The following HSCB variants were observed in gnomAD, a reference collection of about 807,000 sequenced individuals.
The protein encoded by HSCB is iron-sulfur cluster co-chaperone protein HscB.
HSCB carries 23 observed loss-of-function variants against 31.3 expected under a neutral mutation model. That is an observed-to-expected ratio of 0.74 (90% CI 0.53 to 1.04). HSCB has a LOEUF of 1.04. HSCB is among the 50% of genes least tolerant of loss of function. HSCB has a pLI of 0.00. For missense variants in HSCB, 297 were observed against 288.1 expected (o/e 1.03, Z -0.22); for synonymous variants, 110 against 104.5 (o/e 1.05, Z -0.32).
chr22:28,756,068 G>A (rs941997110), intron 5 of HSCB, among the ~76,000 whole-genome samples: 3 of 151,740 alleles, frequency 2.0e-5, no homozygotes, highest in South Asian at 4.2e-4. Context: ...CCAACATGGT[G>A]AAACCCTGCC....
At chr22:28,744,588 T>C (rs368685229) in intron 2 of HSCB, 27 bp from the exon 3 acceptor site, 60 of 1,481,098 alleles carry the variant, frequency 4.1e-5, no homozygotes, top group Non-Finnish European at 5.3e-5. Flanking sequence ...TGGATGGTAA[T>C]AGTACTATCT....
chr22:28,745,602 A>G (rs1222183616), intron 3 of HSCB: 4 of 267,790 alleles, frequency 1.5e-5, no homozygotes, highest in Non-Finnish European at 2.8e-5. Context: ...TAGAATCTTT[A>G]CAAACATCTA....
chr22:28,744,601 A>G lies in HSCB; in HGVS notation c.334-14A>G, dbSNP rs746482794. The G allele has an allele frequency of 6.4e-7, 1 of 1,573,344 alleles. No homozygotes were observed. The highest frequency in any genetic ancestry group is 1.3e-5 in the African/African-American group (1 of 74,210). On this transcript the variant is annotated splice_polypyrimidine_tract_variant and intron_variant, in intron 2 of 5. Coordinates refer to ENST00000216027, the MANE Select transcript of HSCB (RefSeq NM_172002.5). ...TTTGGATGGTAATAGTACTATCTTC[A>G]TCTCCACTAACAGACTGAAAAGGAC...
intron 5 of HSCB, among the ~76,000 whole-genome samples, chr22:28,753,870 C>T (rs532005995): frequency 6.2e-4 from 94 of 151,892 alleles, no homozygotes; most frequent in African/African-American, 2.0e-3. Context: ...CAGGACCGGG[C>T]GCGGTGGCTC....
At chr22:28,748,100 G>A (rs747798865) in intron 4 of HSCB, among the ~76,000 whole-genome samples, 5 of 152,286 alleles carry the variant, frequency 3.3e-5, no homozygotes, top group East Asian at 1.9e-4. Flanking sequence ...CGGGAGAATC[G>A]CTTGAACCCG....
At chr22:28,750,882 T>TG (rs1293487133) in intron 4 of HSCB, among the ~76,000 whole-genome samples, 1 of 150,962 alleles carries the variant, frequency 6.6e-6, no homozygotes, top group African/African-American at 2.4e-5. Flanking sequence ...ATGTTAATGT[T>TG]CTCCTTGCTG....
chr22:28,754,029 A>G (rs1454639454), intron 5 of HSCB, among the ~76,000 whole-genome samples: 1 of 151,952 alleles, frequency 6.6e-6, no homozygotes, highest in Non-Finnish European at 1.5e-5. Context: ...GCTACTCAGG[A>G]GGCTGAGGCA....
intron 4 of HSCB, among the ~76,000 whole-genome samples, chr22:28,746,502 C>T (rs763908317): frequency 2.0e-5 from 3 of 151,920 alleles, no homozygotes; most frequent in Non-Finnish European, 4.4e-5. Context: ...CCTGTAATCC[C>T]AGTATTTTGA....
At chr22:28,742,414 T>C (rs866997357) in intron 1 of HSCB, 83 bp downstream of exon 1, 48 of 1,548,906 alleles carry the variant, frequency 3.1e-5, no homozygotes, top group Non-Finnish European at 4.1e-5. Context: ...CGGATCTGGC[T>C]GGCGGAAGAG....
chr22:28,748,419 A>T (rs934122141), intron 4 of HSCB, among the ~76,000 whole-genome samples: 4 of 152,138 alleles, frequency 2.6e-5, no homozygotes, highest in Non-Finnish European at 5.9e-5. Context: ...CAACTGCAGT[A>T]GCTTTTCACT....
intron 1 of HSCB, 107 bp downstream of exon 1, chr22:28,742,438 TG>T (rs964525625): frequency 4.7e-6 from 7 of 1,493,008 alleles, no homozygotes; most frequent in South Asian, 2.6e-5. Flanking sequence ...GCGGGACTGA[TG>T]GGGGGGCGGA....
chr22:28,749,150 A>AC (rs2030049651), intron 4 of HSCB, among the ~76,000 whole-genome samples: 1 of 151,348 alleles, frequency 6.6e-6, no homozygotes, highest in Non-Finnish European at 1.5e-5. Context: ...CAAAGAAAAA[A>AC]AAAAAAAACT....
intron 4 of HSCB, among the ~76,000 whole-genome samples, chr22:28,750,808 C>T (rs926028275): frequency 1.3e-5 from 2 of 152,066 alleles, no homozygotes; most frequent in Non-Finnish European, 2.9e-5. Flanking sequence ...TCCTGAGAGG[C>T]TATACAGTTT....
Position 28,757,088 on chromosome 22 carries a change from A to G in HSCB, c.627A>G (p.Glu209=), listed in dbSNP as rs1569190955. ...CTCTGTCTATTTCAGATGACTTTGA[A>G]GAAGCCAAGGAAATTTTGACAAAGA... The part of the protein sequence containing the change: ...VSSAFEQDDF[E]EAKEILTKMR... The change falls in exon 6 of 6, where the codon GAA becomes GAG. Residue 209 remains glutamate, a synonymous_variant. Transcript: ENST00000216027. 1 of 1,568,904 alleles carries G rather than the reference A, an allele frequency of 6.4e-7. No individual in the cohort carries two copies.
At chr22:28,748,137 A>G (rs1234469990) in intron 4 of HSCB, among the ~76,000 whole-genome samples, 2 of 152,138 alleles carry the variant, frequency 1.3e-5, no homozygotes, top group African/African-American at 4.8e-5. Flanking sequence ...GTGAGCCGAG[A>G]TTGTGCCACT....
At chr22:28,754,739 T>G (rs2030485476) in intron 5 of HSCB, among the ~76,000 whole-genome samples, 1 of 152,098 alleles carries the variant, frequency 6.6e-6, no homozygotes. Context: ...TTAATGTCAT[T>G]GAACTGTACA....
intron 5 of HSCB, among the ~76,000 whole-genome samples, chr22:28,752,198 C>T (rs955335065): frequency 1.3e-5 from 2 of 151,988 alleles, no homozygotes; most frequent in African/African-American, 2.4e-5. Context: ...AATCCCAACA[C>T]TTTGGGAGGC....
intron 5 of HSCB, among the ~76,000 whole-genome samples, chr22:28,756,684 G>A (rs557821124): frequency 2.0e-5 from 3 of 151,550 alleles, no homozygotes; most frequent in Non-Finnish European, 4.4e-5. Flanking sequence ...GGTAAAGACA[G>A]GGTCTTGCTT....
intron 4 of HSCB, among the ~76,000 whole-genome samples, chr22:28,748,656 G>A (rs2029999386): frequency 6.6e-6 from 1 of 151,958 alleles, no homozygotes; most frequent in African/African-American, 2.4e-5. Flanking sequence ...GGGACTACAG[G>A]TGCGTGCCAC....
Sources: allele counts gnomAD v4.1 joint callset (sites outside exome capture counted in the v4.1 genomes callset), GRCh38; gene constraint gnomAD v4.1.1; transcripts MANE v1.5; gene names NCBI Gene and HGNC (gene_info 2026-07-23, HGNC 2026-07-21).